ACACB: variants seen among roughly 807,000 people sequenced by gnomAD.
The protein encoded by ACACB is acetyl-CoA carboxylase 2.
ACACB carries 209 observed loss-of-function variants against 278.8 expected under a neutral mutation model. The observed-to-expected ratio is 0.75, with a 90% CI of 0.67 to 0.84. The LOEUF is 0.84. Ranked by LOEUF, ACACB falls within the 40% of genes least tolerant of loss-of-function variation. The pLI is 0.00. For missense variants in ACACB, 2,850 were observed against 3,269.0 expected, an observed-to-expected ratio of 0.87 and a Z score of 3.13; for synonymous variants, 1,174 against 1,285.6, an observed-to-expected ratio of 0.91 and a Z score of 1.86.
At chr12:109,137,812 G>C (rs1565854086) in intron 1 of ACACB, among the ~76,000 whole-genome samples, 1 of 151,782 alleles carries the variant, frequency 6.6e-6, no homozygotes, top group Non-Finnish European at 1.5e-5. Context: ...TTTGAAATAG[G>C]GTCTCACTCT....
chr12:109,174,313 T>C, intron 7 of ACACB, 83 bp downstream of exon 7: 1 of 1,044,156 alleles, frequency 9.6e-7, no homozygotes, highest in Non-Finnish European at 1.3e-6. Context: ...AGAAGTATGC[T>C]TGTAACAATT....
chr12:109,146,507 G>A (rs1401276158), intron 2 of ACACB, among the ~76,000 whole-genome samples: 2 of 152,174 alleles, frequency 1.3e-5, no homozygotes, highest in African/African-American at 4.8e-5. Flanking sequence ...TCTCACAACT[G>A]TGTTCCTGTT....
At position 109,237,251 on chromosome 12, in the gene ACACB, C is replaced by T. The variant is rs138071807; in HGVS notation, c.4533C>T (p.Thr1511=). The change falls in exon 34 of 53, where the codon ACC becomes ACT. Residue 1511 remains threonine, a synonymous_variant. Transcript: ENST00000338432. The part of the protein sequence containing the change: ...ELNRMRNFDL[T]AVPCANHKMH... ...ACCGGATGCGTAACTTCGATCTGAC[C>T]GCCGTGCCCTGTGCCAACCACAAGA... The T allele has an allele frequency of 4.5e-4, 734 of 1,614,170 alleles. 4 individuals are homozygous for T. The African/African-American group carries it at 8.1e-3, about 18-fold the overall frequency.
chr12:109,179,814 G>A, intron 10 of ACACB, 103 bp from the exon 11 acceptor site: 1 of 1,332,512 alleles, frequency 7.5e-7, no homozygotes, highest in Non-Finnish European at 1.0e-6. Context: ...TTCACATGTA[G>A]CAGGTGCTCA....
chr12:109,245,521 C>A, intron 37 of ACACB, 105 bp from the exon 38 acceptor site: 1 of 1,237,080 alleles, frequency 8.1e-7, no homozygotes, highest in Non-Finnish European at 1.1e-6. Flanking sequence ...AGAGAGTGAA[C>A]TACAGAATTC....
chr12:109,263,831 C>T (rs115642440), intron 49 of ACACB: 2,127 of 158,912 alleles, frequency 0.013, 49 homozygotes, highest in African/African-American at 0.049. Context: ...ATAATATTCC[C>T]TTATCATATT....
In ACACB at chr12:109,257,786, G is replaced by A. The variant is rs2047268465; in HGVS notation, c.6264-482G>A. On this transcript the variant is annotated intron_variant, in intron 45 of 52. Transcript: ENST00000338432. ...GGGTCTCACTATGCTGTCCAGGCTG[G>A]TCTCAAACTCCTGGACTCAAGCAAT... is the stretch of plus-strand genomic sequence containing the variant. Among the ~76,000 whole-genome samples the A allele has an allele frequency of 3.3e-5, 5 of 152,244 alleles. No homozygotes were observed. The South Asian group carries it at 1.0e-3, about 32-fold the overall frequency.
At position 109,245,749 on chromosome 12, in the gene ACACB, G is replaced by GTAA. The variant is rs1457204996; in HGVS notation, c.5301+4_5301+6dup. 3 of 1,613,654 alleles carry GTAA rather than the reference G, an allele frequency of 1.9e-6. No homozygotes were observed. In the African/African-American group the frequency reaches 4.0e-5, roughly 22 times the overall value. On this transcript the variant is annotated splice_donor_variant, in intron 38 of 52. Transcript: ENST00000338432. LOFTEE classifies it high-confidence loss of function. ...GAACCGACTTCCTGGTGGAAATGAG[G>GTAA]TAATAGCTCAGCGGAGCCTAACCCC...
chr12:109,246,486 C>A, intron 39 of ACACB, 38 bp downstream of exon 39: 1 of 1,593,604 alleles, frequency 6.3e-7, no homozygotes, highest in South Asian at 1.1e-5. Flanking sequence ...TGATTCTGCT[C>A]AGCTACTACT....
At chr12:109,226,400 A>T (rs2046312472) in intron 27 of ACACB, among the ~76,000 whole-genome samples, 1 of 152,032 alleles carries the variant, frequency 6.6e-6, no homozygotes, top group Admixed American at 6.6e-5. Flanking sequence ...CTGTTTCTGT[A>T]AAGTTTTATC....
rs2047419327 is a variant in ACACB at position 109,262,953 on chromosome 12, TATATATATA to T, written c.6787+485_6787+493del. The T allele has an allele frequency of 6.5e-5, 6 of 91,678 alleles. No homozygotes were observed. The East Asian group carries it at 8.8e-4, about 13-fold the overall frequency. The allele number at this position is 91,678 out of a possible 1,614,324, so 5.7% of individuals were successfully genotyped here. A position where few individuals can be genotyped will look rare whatever the true frequency, so the allele number is the denominator to read the frequency against. ...TTCTAAATCAACCTTTTTAACATTA[TATATATATA>T]TATATATATATATATATATATTGCC... On this transcript the variant is annotated intron_variant, in intron 49 of 52. Coordinates refer to ENST00000338432, the MANE Select transcript of ACACB (RefSeq NM_001093.4).
chr12:109,122,455 T>C (rs1408431146), intron 1 of ACACB, among the ~76,000 whole-genome samples: 1 of 151,640 alleles, frequency 6.6e-6, no homozygotes, highest in African/African-American at 2.4e-5. Flanking sequence ...ATGCCTGTAA[T>C]CCCAGTGCTT....
intron 45 of ACACB, 128 bp downstream of exon 45, chr12:109,256,364 C>T: frequency 1.5e-6 from 1 of 676,832 alleles, no homozygotes; most frequent in Non-Finnish European, 2.6e-6. Flanking sequence ...AAGAAAAAAC[C>T]AATTTGGGGA....
intron 26 of ACACB, among the ~76,000 whole-genome samples, chr12:109,223,319 C>T (rs540257885): frequency 7.9e-5 from 12 of 152,190 alleles, no homozygotes; most frequent in Admixed American, 3.3e-4. Context: ...TCCCAGGTGC[C>T]GTCATCCCGG....
At chr12:109,234,806 G>A (rs564062676) in intron 31 of ACACB, among the ~76,000 whole-genome samples, 44 of 152,122 alleles carry the variant, frequency 2.9e-4, no homozygotes, top group Non-Finnish European at 5.9e-4. Flanking sequence ...GTCGGGGGGT[G>A]GGGGCCGAGG....
intron 48 of ACACB, 130 bp downstream of exon 48, chr12:109,260,787 C>T (rs941851897): frequency 1.1e-4 from 104 of 983,090 alleles, no homozygotes; most frequent in Non-Finnish European, 1.4e-4. Context: ...GTTGTCTCTT[C>T]TTTCATGGTT....
At position 109,179,084 on chromosome 12, in the gene ACACB, A is replaced by G. The variant is rs1387969333; in HGVS notation, c.1438-4A>G. 6.2e-7 allele frequency: 1 copy of G among 1,611,780 alleles called. No homozygotes were observed. The highest frequency in any genetic ancestry group is 1.1e-5 in the South Asian group (1 of 90,576). On this transcript the variant is annotated splice_region_variant and splice_polypyrimidine_tract_variant and intron_variant, in intron 9 of 52. Transcript: ENST00000338432. Reference sequence around the variant, plus strand: ...AGATCAGGCTGCTCTGCTTCCCCCGACAGGTACAGAGTGAGATCCCAGGCT... The same window carrying G: ...AGATCAGGCTGCTCTGCTTCCCCCGGCAGGTACAGAGTGAGATCCCAGGCT...
rs1395534120 is a variant in ACACB, at chr12:109,179,413, GA to G, written c.1647+117del. ...GGTGGCATGGGTGCCTAACAAGAGGGATGAGGGCCCATTCCAGAGGTGATTT... is the reference window on the plus strand; with the variant it reads ...GGTGGCATGGGTGCCTAACAAGAGGGTGAGGGCCCATTCCAGAGGTGATTT... On this transcript the variant is annotated intron_variant, in intron 10 of 52. Coordinates refer to ENST00000338432, the MANE Select transcript of ACACB (RefSeq NM_001093.4). The G allele has an allele frequency of 2.8e-6, 3 of 1,063,426 alleles. No homozygotes were observed. The African/African-American group carries it at 4.7e-5, about 17-fold the overall frequency. The allele number at this position is 1,063,426 out of a possible 1,614,324, so 65.9% of individuals were successfully genotyped here. A position where few individuals can be genotyped will look rare whatever the true frequency, so the allele number is the denominator to read the frequency against.
At chr12:109,123,763 CT>C (rs113782432) in intron 1 of ACACB, among the ~76,000 whole-genome samples, 151,014 of 151,016 alleles carry the variant, frequency 1, 75,506 homozygotes, top group Non-Finnish European at 1. Context: ...TCTCGGCTCA[CT>C]TGCAGCCTCT....
Sources: allele counts gnomAD v4.1 joint callset (sites outside exome capture counted in the v4.1 genomes callset), GRCh38; gene constraint gnomAD v4.1.1; transcripts MANE v1.5; gene names NCBI Gene and HGNC (gene_info 2026-07-23, HGNC 2026-07-21).